Variants in ANGPT2 observed in about 807,000 individuals in gnomAD.
ANGPT2 encodes the protein angiopoietin 2.
A neutral mutation model predicts 62.9 loss-of-function variants in ANGPT2; 28 were observed. The observed-to-expected ratio is 0.44, with a 90% confidence interval of 0.33 to 0.61. The LOEUF (loss-of-function observed/expected upper bound fraction) is 0.61, where lower values mean the gene tolerates loss of function less well. Among genes scored for constraint, ANGPT2 ranks in the 20% least tolerant of loss-of-function variants. ANGPT2 has a pLI of 0.03. For missense variants in ANGPT2, 727 were observed against 594.9 expected (o/e 1.22, Z -2.31); for synonymous variants, 284 against 207.8 (o/e 1.37, Z -3.15).
chr8:6,504,874 C>T (rs997314139), intron 8 of ANGPT2, among the ~76,000 whole-genome samples: 4 of 151,990 alleles, frequency 2.6e-5, no homozygotes, highest in African/African-American at 9.7e-5. Context: ...CAGGCATTTG[C>T]TGGACATCTT....
chr8:6,555,490 C>T (rs1380435274), intron 1 of ANGPT2, among the ~76,000 whole-genome samples: 1 of 146,470 alleles, frequency 6.8e-6, no homozygotes, highest in Non-Finnish European at 1.5e-5. Flanking sequence ...GAGACAGGAT[C>T]TCACTGCGTA....
At chr8:6,523,271 A>G (rs770049937) in intron 3 of ANGPT2, among the ~76,000 whole-genome samples, 9 of 152,178 alleles carry the variant, frequency 5.9e-5, no homozygotes, top group African/African-American at 2.2e-4. Context: ...TGCTGGGATT[A>G]CAGGCATGAG....
intron 1 of ANGPT2, among the ~76,000 whole-genome samples, chr8:6,549,764 C>T (rs1823288445): frequency 6.6e-6 from 1 of 150,810 alleles, no homozygotes; most frequent in Non-Finnish European, 1.5e-5. Flanking sequence ...TGCAGGGCAG[C>T]AAGTCCTCTA....
chr8:6,527,708 T>G, intron 2 of ANGPT2, 32 bp from the exon 3 acceptor site: 1 of 1,558,292 alleles, frequency 6.4e-7, no homozygotes. Flanking sequence ...TCCTATTAAT[T>G]ATTTTTTAAT....
intron 1 of ANGPT2, among the ~76,000 whole-genome samples, chr8:6,550,171 C>G (rs1203087788): frequency 6.6e-6 from 1 of 152,240 alleles, no homozygotes; most frequent in East Asian, 1.9e-4. Context: ...ACCTGGAAAC[C>G]CTCGCCTGGC....
At chr8:6,541,335 C>T (rs1351270030) in intron 1 of ANGPT2, among the ~76,000 whole-genome samples, 1 of 152,166 alleles carries the variant, frequency 6.6e-6, no homozygotes. Context: ...TGGCTAAAGA[C>T]AGGCTAGTGG....
At chr8:6,523,672 C>T (rs138320104) in intron 3 of ANGPT2, among the ~76,000 whole-genome samples, 1 of 152,158 alleles carries the variant, frequency 6.6e-6, no homozygotes, top group Admixed American at 6.5e-5. Flanking sequence ...TCGCTGCAAC[C>T]TCCGCCTCCC....
At position 6,531,543 on chromosome 8, in the gene ANGPT2, C is replaced by T. The variant is rs568443673; in HGVS notation, c.444+789G>A. 7.2e-5 allele frequency among the ~76,000 whole-genome samples: 11 copies of T among 152,198 alleles called. No individual in the cohort carries two copies. In the East Asian group the frequency reaches 9.6e-4, roughly 13 times the overall value. On this transcript the variant is annotated intron_variant, in intron 2 of 8. Transcript: ENST00000629816. ...CTGACCTCAGGTGATCCACCCATCT[C>T]GGCCTCCCAAAGTGCTGGAATTACA...
intron 2 of ANGPT2, among the ~76,000 whole-genome samples, chr8:6,531,323 C>G (rs929909472): frequency 6.7e-6 from 1 of 148,498 alleles, no homozygotes; most frequent in African/African-American, 2.5e-5. Context: ...AAGTCTCACT[C>G]TGTTGCCCAG....
chr8:6,516,007 C>G (rs565880880), intron 5 of ANGPT2, among the ~76,000 whole-genome samples: 25 of 152,192 alleles, frequency 1.6e-4, no homozygotes, highest in Non-Finnish European at 3.1e-4. Flanking sequence ...CTGGAACAGC[C>G]TGGTCTGCAG....
At chr8:6,555,950 C>T (rs114403451) in intron 1 of ANGPT2, among the ~76,000 whole-genome samples, 1,873 of 152,214 alleles carry the variant, frequency 0.012, 34 homozygotes, top group African/African-American at 0.043. Context: ...GGCATCTCAC[C>T]TATCTAGAGG....
At chr8:6,504,180 T>A (rs1177228112) in intron 8 of ANGPT2, among the ~76,000 whole-genome samples, 4 of 151,260 alleles carry the variant, frequency 2.6e-5, no homozygotes, top group Non-Finnish European at 4.4e-5. Context: ...TAGCCGGGCG[T>A]GGTGGCGGAC....
At chr8:6,536,781 G>A (rs1820581609) in intron 1 of ANGPT2, among the ~76,000 whole-genome samples, 1 of 152,004 alleles carries the variant, frequency 6.6e-6, no homozygotes, top group Admixed American at 6.6e-5. Flanking sequence ...TCATCCACTT[G>A]GATAGACAGA....
rs1214846834 is a variant in ANGPT2, at chr8:6,500,287, T to A, written c.*2814A>T. The A allele has an allele frequency of 4.6e-6, 1 of 218,534 alleles. No homozygotes were observed. Among genetic ancestry groups the A allele is most frequent in the Admixed American group, 5.3e-5 (1 of 18,732 alleles). The allele number at this position is 218,534 out of a possible 1,614,324, so 13.5% of individuals were successfully genotyped here. A position where few individuals can be genotyped will look rare whatever the true frequency, so the allele number is the denominator to read the frequency against. ...ATAGAACTGATAGGTATAAAGATTA[T>A]GGCTTGCTGGTGCTGTGATAACAGT... On this transcript the variant is annotated 3_prime_UTR_variant, in exon 9 of 9. Coordinates refer to ENST00000629816, the MANE Select transcript of ANGPT2 (RefSeq NM_001118887.2).
intron 1 of ANGPT2, among the ~76,000 whole-genome samples, chr8:6,538,173 GA>G (rs1460358761): frequency 1.3e-5 from 2 of 149,516 alleles, no homozygotes; most frequent in Non-Finnish European, 3.0e-5. Context: ...GTAAACCCTT[GA>G]ATTTTTCTAG....
Position 6,562,868 on chromosome 8 carries a change from G to A in ANGPT2, c.67C>T (p.Arg23Trp), listed in dbSNP as rs142616217. The change falls in exon 1 of 9, where the codon CGG becomes TGG. Residue 23 changes from arginine (R) to tryptophan (W), a missense_variant. By Grantham distance (101) the Arg-to-Trp change is moderately radical. Coordinates refer to ENST00000629816, the MANE Select transcript of ANGPT2 (RefSeq NM_001118887.2). ...LVLAAAYNNF[R>W]KSMDSIGKKQ... ...TTTCCTATGCTGTCCATGCTCTTCCGAAAGTTGTTATAGGCTGCGGCCAAG... is the reference window on the plus strand; with the variant it reads ...TTTCCTATGCTGTCCATGCTCTTCCAAAAGTTGTTATAGGCTGCGGCCAAG... 3.7e-6 allele frequency: 6 copies of A among 1,612,560 alleles called. No individual in the cohort carries two copies. The highest frequency in any genetic ancestry group is 3.3e-5 in the South Asian group (3 of 91,046).
At chr8:6,532,579 A>G (rs1819730879) in intron 1 of ANGPT2, 92 bp from the exon 2 acceptor site, 1 of 877,090 alleles carries the variant, frequency 1.1e-6, no homozygotes, top group African/African-American at 1.8e-5. Flanking sequence ...ATCTTTAAAA[A>G]AAAAAAAAAA....
At position 6,500,064 on chromosome 8, in the gene ANGPT2, C is replaced by G; in HGVS notation, c.*3037G>C. The G allele has an allele frequency of 1.3e-6, 1 of 743,498 alleles. No individual in the cohort carries two copies. 46.1% of individuals were successfully genotyped at this position (743,498 alleles called of 1,614,324 possible). A position where few individuals can be genotyped will look rare whatever the true frequency, so the allele number is the denominator to read the frequency against. ...CATAATTAAAAAGACATTCACAGAA[C>G]TTAACACCTTTTATCAATTTATTCG... On this transcript the variant is annotated 3_prime_UTR_variant, in exon 9 of 9. Coordinates refer to ENST00000629816, the MANE Select transcript of ANGPT2 (RefSeq NM_001118887.2).
chr8:6,548,995 A>G (rs1048506395), intron 1 of ANGPT2, among the ~76,000 whole-genome samples: 5 of 152,236 alleles, frequency 3.3e-5, no homozygotes, highest in African/African-American at 1.2e-4. Context: ...CTATTCCTCA[A>G]AAGTTGGTTC....
Sources: allele counts gnomAD v4.1 joint callset (sites outside exome capture counted in the v4.1 genomes callset), GRCh38; gene constraint gnomAD v4.1.1; transcripts MANE v1.5; gene names NCBI Gene and HGNC (gene_info 2026-07-23, HGNC 2026-07-21).